The following PDGFC variants were observed in gnomAD, a reference collection of about 807,000 sequenced individuals.
PDGFC encodes platelet-derived growth factor C.
PDGFC carries 12 observed loss-of-function variants against 35.5 expected under a neutral mutation model. That is an observed-to-expected ratio of 0.34 (90% CI 0.22 to 0.55). The LOEUF (loss-of-function observed/expected upper bound fraction) is 0.55. Ranked by LOEUF, PDGFC falls within the 20% of genes least tolerant of loss-of-function variation. The pLI, the probability that PDGFC is intolerant of heterozygous loss-of-function variation, is 0.91. For missense variants in PDGFC, 322 were observed against 412.4 expected, an observed-to-expected ratio of 0.78 and a Z score of 1.90; for synonymous variants, 159 against 148.8, an observed-to-expected ratio of 1.07 and a Z score of -0.50.
chr4:156,884,832 T>G (rs546643240), intron 1 of PDGFC, among the ~76,000 whole-genome samples: 1 of 152,166 alleles, frequency 6.6e-6, no homozygotes, highest in Non-Finnish European at 1.5e-5. Flanking sequence ...GCAAAAAGAT[T>G]AATGAATATG....
At chr4:156,805,745 T>C (rs1446309904) in intron 3 of PDGFC, among the ~76,000 whole-genome samples, 2 of 152,072 alleles carry the variant, frequency 1.3e-5, no homozygotes, top group African/African-American at 4.8e-5. Context: ...TACTGGCATA[T>C]GTCAGAAGGG....
chr4:156,805,625 T>C (rs1731736105), intron 3 of PDGFC, among the ~76,000 whole-genome samples: 1 of 152,210 alleles, frequency 6.6e-6, no homozygotes, highest in Non-Finnish European at 1.5e-5. Context: ...AATTAATATA[T>C]TTGAAGCCTT....
At chr4:156,908,475 A>C (rs552895861) in intron 1 of PDGFC, among the ~76,000 whole-genome samples, 1 of 152,330 alleles carries the variant, frequency 6.6e-6, no homozygotes, top group African/African-American at 2.4e-5. Flanking sequence ...GCTGCCAATT[A>C]GTAAAACAGA....
At chr4:156,828,449 A>T (rs540509029) in intron 2 of PDGFC, among the ~76,000 whole-genome samples, 34 of 152,318 alleles carry the variant, frequency 2.2e-4, no homozygotes, top group Non-Finnish European at 4.9e-4. Context: ...TGAAAACTCC[A>T]TTAGTGTTCC....
intron 1 of PDGFC, among the ~76,000 whole-genome samples, chr4:156,903,113 G>GTGTGTGTGTA (rs1560865561): frequency 1.3e-4 from 18 of 139,676 alleles, no homozygotes; most frequent in African/African-American, 3.7e-4. Flanking sequence ...GAGTGTGTGT[G>GTGTGTGTGTA]TGTGTGTGTG....
At chr4:156,830,156 A>G (rs1379568208) in intron 2 of PDGFC, among the ~76,000 whole-genome samples, 13 of 152,136 alleles carry the variant, frequency 8.5e-5, no homozygotes, top group Non-Finnish European at 1.5e-5. Context: ...TATATAAAGT[A>G]GAATTAAAAT....
chr4:156,807,808 A>G (rs1263789808), intron 3 of PDGFC, among the ~76,000 whole-genome samples: 1 of 152,054 alleles, frequency 6.6e-6, no homozygotes, highest in East Asian at 1.9e-4. Context: ...TTTGTCCTAG[A>G]AAAAAATGTG....
chr4:156,857,843 A>T (rs545044859), intron 1 of PDGFC, among the ~76,000 whole-genome samples: 1 of 152,200 alleles, frequency 6.6e-6, no homozygotes, highest in East Asian at 1.9e-4. Flanking sequence ...TAGCCATCAT[A>T]ATGGATTCTA....
At chr4:156,816,270 A>G (rs1056337410) in intron 2 of PDGFC, among the ~76,000 whole-genome samples, 4 of 152,206 alleles carry the variant, frequency 2.6e-5, no homozygotes, top group African/African-American at 9.6e-5. Context: ...GGATTTTAAA[A>G]AGGCCTAGCC....
At chr4:156,902,331 G>C (rs958171236) in intron 1 of PDGFC, among the ~76,000 whole-genome samples, 1 of 152,186 alleles carries the variant, frequency 6.6e-6, no homozygotes, top group East Asian at 1.9e-4. Flanking sequence ...TGTCAAATTT[G>C]CTTCAGAATT....
chr4:156,847,537 CT>C (rs1366231384), intron 2 of PDGFC, among the ~76,000 whole-genome samples: 1 of 151,732 alleles, frequency 6.6e-6, no homozygotes, highest in Non-Finnish European at 1.5e-5. Context: ...TGAGTTTAAT[CT>C]GAAAAAGATC....
At chr4:156,963,818 T>C (rs2110978260) in intron 1 of PDGFC, among the ~76,000 whole-genome samples, 1 of 152,312 alleles carries the variant, frequency 6.6e-6, no homozygotes, top group East Asian at 1.9e-4. Flanking sequence ...AACTTGGCTT[T>C]AATTATAAAC....
At chr4:156,785,429 G>A (rs1392794668) in intron 3 of PDGFC, among the ~76,000 whole-genome samples, 11 of 152,156 alleles carry the variant, frequency 7.2e-5, no homozygotes. Context: ...GGCCAGGCTA[G>A]TCTCGAGCTC....
At chr4:156,842,160 A>G (rs889921085) in intron 2 of PDGFC, 2 of 152,158 alleles carry the variant, frequency 1.3e-5, no homozygotes, top group Non-Finnish European at 2.9e-5. Context: ...TATAATGTCA[A>G]TAATATTGAA....
chr4:156,867,917 C>T (rs1007043481), intron 1 of PDGFC, among the ~76,000 whole-genome samples: 1 of 152,052 alleles, frequency 6.6e-6, no homozygotes, highest in South Asian at 2.1e-4. Flanking sequence ...CTTGCTCTGT[C>T]GCCCGGGCTG....
intron 1 of PDGFC, among the ~76,000 whole-genome samples, chr4:156,878,278 G>C (rs1392797583): frequency 1.3e-5 from 2 of 152,156 alleles, no homozygotes; most frequent in Non-Finnish European, 2.9e-5. Flanking sequence ...AGGAGGGTGA[G>C]AGCAAGGAGC....
chr4:156,920,639 AAGAAAACACACACACACACACACACACAC>A (rs901737622), intron 1 of PDGFC, among the ~76,000 whole-genome samples: 1 of 140,672 alleles, frequency 7.1e-6, no homozygotes, highest in African/African-American at 2.7e-5. Flanking sequence ...TTAACAGGAA[AAGAAAACACACACACACACACACACACAC>A]ACACACACAC....
At chr4:156,861,269 G>T (rs1471089326) in intron 1 of PDGFC, among the ~76,000 whole-genome samples, 4 of 152,208 alleles carry the variant, frequency 2.6e-5, no homozygotes, top group Non-Finnish European at 5.9e-5. Flanking sequence ...ATTCACACTT[G>T]CTCATGTTGA....
intron 3 of PDGFC, among the ~76,000 whole-genome samples, chr4:156,788,002 T>C (rs1051727345): frequency 1.3e-5 from 2 of 152,134 alleles, no homozygotes; most frequent in African/African-American, 4.8e-5. Context: ...GTCTGGACAG[T>C]AGCACTACAG....
Sources: gnomAD v4.1 joint callset for allele counts (sites outside exome capture counted in the v4.1 genomes callset) on GRCh38, gnomAD v4.1.1 for gene constraint, MANE v1.5 for transcripts, NCBI Gene and HGNC (gene_info 2026-07-23, HGNC 2026-07-21) for gene names.